Variants in ZDHHC20 observed in about 807,000 individuals in gnomAD.
The protein encoded by ZDHHC20 is zDHHC palmitoyltransferase 20, also known as palmitoyltransferase ZDHHC20.
Under a neutral mutation model 57.8 loss-of-function variants are expected in ZDHHC20, and 43 were observed. The ratio of observed to expected loss-of-function variants is 0.74; its 90% confidence interval spans 0.58 to 0.96. The LOEUF (loss-of-function observed/expected upper bound fraction) is 0.96. Among genes scored for constraint, ZDHHC20 ranks in the 40% least tolerant of loss-of-function variants. The pLI is 0.00. For synonymous variants in ZDHHC20, 157 were observed against 153.0 expected (o/e 1.03, Z -0.19); for missense variants, 391 against 441.1 (o/e 0.89, Z 1.02).
At chr13:21,387,729 CAAAAACTGTAAAT>C (rs1874829904) in intron 8 of ZDHHC20, 95 bp from the exon 9 acceptor site, 1 of 634,262 alleles carries the variant, frequency 1.6e-6, no homozygotes, top group Non-Finnish European at 2.3e-6. Flanking sequence ...ATCTTTGACA[CAAAAACTGTAAAT>C]ATAATTTAAA....
intron 1 of ZDHHC20, among the ~76,000 whole-genome samples, chr13:21,436,491 T>G (rs1190188149): frequency 6.6e-6 from 1 of 152,232 alleles, no homozygotes; most frequent in Non-Finnish European, 1.5e-5. Flanking sequence ...TCAACCTTTT[T>G]CATTATCATA....
At chr13:21,378,252 AT>A (rs1313620954) in intron 12 of ZDHHC20, among the ~76,000 whole-genome samples, 2 of 151,972 alleles carry the variant, frequency 1.3e-5, no homozygotes, top group African/African-American at 4.8e-5. Flanking sequence ...CACTATACTA[AT>A]TTAAGTATCT....
At chr13:21,437,811 C>G (rs918069896) in intron 1 of ZDHHC20, among the ~76,000 whole-genome samples, 6 of 152,128 alleles carry the variant, frequency 3.9e-5, no homozygotes, top group Admixed American at 6.5e-5. Flanking sequence ...CCTGCCTCAG[C>G]CTCCTAAGTA....
chr13:21,394,236 G>A (rs1013404021), intron 7 of ZDHHC20, among the ~76,000 whole-genome samples: 1 of 152,144 alleles, frequency 6.6e-6, no homozygotes, highest in Non-Finnish European at 1.5e-5. Context: ...TAGCCTTCTT[G>A]TGTTACTGAA....
At chr13:21,376,823 AT>A (rs1178492364) in intron 12 of ZDHHC20, among the ~76,000 whole-genome samples, 168 bp from the exon 13 acceptor site, 1 of 152,214 alleles carries the variant, frequency 6.6e-6, no homozygotes, top group Non-Finnish European at 1.5e-5. Flanking sequence ...GTAGCAGTAA[AT>A]GAGTGGGTAT....
chr13:21,417,553 C>T (rs1880133886), intron 3 of ZDHHC20, among the ~76,000 whole-genome samples: 1 of 152,154 alleles, frequency 6.6e-6, no homozygotes, highest in Non-Finnish European at 1.5e-5. Flanking sequence ...AATTCTCCTG[C>T]CTCAGCCTCC....
In ZDHHC20 at chr13:21,425,639, A is replaced by G. The variant is rs748861330; in HGVS notation, c.145+13T>C. On this transcript the variant is annotated intron_variant, in intron 2 of 12. Coordinates refer to ENST00000400590, the MANE Select transcript of ZDHHC20 (RefSeq NM_001330059.2). Reference sequence around the variant, plus strand: ...TAAGCATTTAACTTAAATTGAAACTAAAAGTGCCTTACCATTTTCTTCATT... The same window carrying G: ...TAAGCATTTAACTTAAATTGAAACTGAAAGTGCCTTACCATTTTCTTCATT... The G allele has an allele frequency of 3.4e-5, 41 of 1,201,252 alleles. No homozygotes were observed. The highest frequency in any genetic ancestry group is 3.9e-5 in the Non-Finnish European group (35 of 894,746). The allele number at this position is 1,201,252 out of a possible 1,614,324, so 74.4% of individuals were successfully genotyped here.
chr13:21,385,502 T>A (rs147675050), intron 9 of ZDHHC20, among the ~76,000 whole-genome samples: 7 of 152,194 alleles, frequency 4.6e-5, no homozygotes, highest in African/African-American at 1.7e-4. Flanking sequence ...AGGCTAGACA[T>A]TATAGAAGAG....
intron 6 of ZDHHC20, 55 bp from the exon 7 acceptor site, chr13:21,400,548 GA>G (rs1237032819): frequency 1.3e-6 from 2 of 1,508,814 alleles, no homozygotes; most frequent in African/African-American, 2.8e-5. Context: ...CAAATTCACA[GA>G]AATAGAAAGT....
rs1046762748 is a variant in ZDHHC20 at position 21,437,380 on chromosome 13, C to G, written c.119-11702G>C. Among the ~76,000 whole-genome samples the G allele has an allele frequency of 2.0e-5, 3 of 152,188 alleles. No homozygotes were observed. The South Asian group carries it at 6.2e-4, about 31-fold the overall frequency. On this transcript the variant is annotated intron_variant, in intron 1 of 12. Coordinates refer to ENST00000400590, the MANE Select transcript of ZDHHC20 (RefSeq NM_001330059.2). ...ACACTGTGAAATTTGGGTGGGGACACAGAGCCACGCCATATCAGTGGCTAC... is the reference window on the plus strand; with the variant it reads ...ACACTGTGAAATTTGGGTGGGGACAGAGAGCCACGCCATATCAGTGGCTAC...
chr13:21,447,322 AC>A (rs1883830221), intron 1 of ZDHHC20, among the ~76,000 whole-genome samples: 1 of 148,838 alleles, frequency 6.7e-6, no homozygotes, highest in South Asian at 2.3e-4. Context: ...CCCTCTCCCC[AC>A]GGTCTCCCTC....
In ZDHHC20 at chr13:21,454,792, G is replaced by T. The variant is rs564709862; in HGVS notation, c.118+4262C>A. 9.2e-5 allele frequency among the ~76,000 whole-genome samples: 14 copies of T among 152,218 alleles called. No homozygotes were observed. The South Asian group carries it at 2.9e-3, about 32-fold the overall frequency. On this transcript the variant is annotated intron_variant, in intron 1 of 12. Transcript: ENST00000400590. ...CTCTAAATTTGAAGAAGTTATGCAG[G>T]AGACACAAGTAAATATTTAATACAG...
rs1056517947 is a variant in ZDHHC20 at position 21,416,360 on chromosome 13, T to C, written c.250-2588A>G. ...TGAATTAGTACTACAAGTTTGTCTT[T>C]TTATTCAAAACTAGTGAACAGAATT... On this transcript the variant is annotated intron_variant, in intron 3 of 12. Coordinates refer to ENST00000400590, the MANE Select transcript of ZDHHC20 (RefSeq NM_001330059.2). Among the ~76,000 whole-genome samples the C allele has an allele frequency of 3.9e-5, 6 of 152,194 alleles. No homozygotes were observed. In the East Asian group the frequency reaches 1.2e-3, roughly 29 times the overall value.
At chr13:21,382,151 T>C (rs1873542899) in intron 10 of ZDHHC20, among the ~76,000 whole-genome samples, 1 of 152,206 alleles carries the variant, frequency 6.6e-6, no homozygotes, top group South Asian at 2.1e-4. Flanking sequence ...AGTATCATTA[T>C]CCTAATTTTA....
rs1407392801 is a variant in ZDHHC20 at position 21,387,622 on chromosome 13, G to A, written c.740C>T (p.Ala247Val). ...ATCAGGTCCGTATGAAAACGTGGGT[G>A]CGCGGAATGATTCTGTTAAATATAC... ...KNRTTIESFR[A>V]PTFSYGPDGN... Residue 247 changes from alanine to valine, a missense_variant, in exon 9 of 13, where the codon GCA (alanine) becomes GTA (valine). Coordinates refer to ENST00000400590, the MANE Select transcript of ZDHHC20 (RefSeq NM_001330059.2). 1.1e-5 allele frequency: 16 copies of A among 1,464,124 alleles called. No homozygotes were observed. The highest frequency in any genetic ancestry group is 7.4e-5 in the South Asian group (5 of 67,352). The allele number at this position is 1,464,124 out of a possible 1,614,324, so 90.7% of individuals were successfully genotyped here.
chr13:21,444,266 CAGA>C (rs1363118445), intron 1 of ZDHHC20, among the ~76,000 whole-genome samples: 1 of 152,180 alleles, frequency 6.6e-6, no homozygotes, highest in Admixed American at 6.5e-5. Flanking sequence ...CTGGAAGTCA[CAGA>C]AGGTTACTTG....
chr13:21,419,086 A>G (rs894382636), intron 3 of ZDHHC20, among the ~76,000 whole-genome samples: 2 of 152,180 alleles, frequency 1.3e-5, no homozygotes, highest in African/African-American at 4.8e-5. Flanking sequence ...TACACATGCT[A>G]TGTTTTCAAT....
chr13:21,453,346 T>C (rs1057387081), intron 1 of ZDHHC20, among the ~76,000 whole-genome samples: 1 of 152,080 alleles, frequency 6.6e-6, no homozygotes, highest in African/African-American at 2.4e-5. Flanking sequence ...CAAGGAGAAA[T>C]AAATCACAAT....
rs986211192 is a variant in ZDHHC20 at position 21,441,139 on chromosome 13, A to C, written c.119-15461T>G. Among the ~76,000 whole-genome samples, 5 of 152,318 alleles carry C rather than the reference A, an allele frequency of 3.3e-5. No homozygotes were observed. The East Asian group carries it at 9.6e-4, about 29-fold the overall frequency. Reference sequence around the variant, plus strand: ...CTTGTCTAGCACCAGAAACAAAAAAATGTTTACTGGAATTAGAATTCATTT... The same window carrying C: ...CTTGTCTAGCACCAGAAACAAAAAACTGTTTACTGGAATTAGAATTCATTT... On this transcript the variant is annotated intron_variant, in intron 1 of 12. Transcript: ENST00000400590.
Sources: gnomAD v4.1 joint callset for allele counts (sites outside exome capture counted in the v4.1 genomes callset) on GRCh38, gnomAD v4.1.1 for gene constraint, MANE v1.5 for transcripts, NCBI Gene and HGNC (gene_info 2026-07-23, HGNC 2026-07-21) for gene names.